Variants in GNA14 observed in about 807,000 individuals in gnomAD.
GNA14 encodes guanine nucleotide-binding protein subunit alpha-14.
A neutral mutation model predicts 42.0 loss-of-function variants in GNA14; 50 were observed. That is an observed-to-expected ratio of 1.19 (90% CI 0.95 to 1.51). The LOEUF is 1.51. Ranked by LOEUF, GNA14 falls within the 40% of genes most tolerant of loss-of-function variation. GNA14 has a pLI of 0.00. For synonymous variants in GNA14, 173 were observed against 163.1 expected (o/e 1.06, Z -0.46); for missense variants, 473 against 446.2 (o/e 1.06, Z -0.54).
chr9:77,557,258 T>C (rs1339070672), intron 1 of GNA14, among the ~76,000 whole-genome samples: 1 of 151,634 alleles, frequency 6.6e-6, no homozygotes, highest in Admixed American at 6.6e-5. Flanking sequence ...GAGAGGAAAA[T>C]GGAAAGAAAA....
intron 2 of GNA14, among the ~76,000 whole-genome samples, chr9:77,440,125 A>G (rs1835707813): frequency 6.6e-6 from 1 of 152,280 alleles, no homozygotes; most frequent in Non-Finnish European, 1.5e-5. Flanking sequence ...AAGTGAGCTC[A>G]TATCTGGCTT....
chr9:77,604,706 T>C (rs139457573), intron 1 of GNA14, among the ~76,000 whole-genome samples: 25 of 152,352 alleles, frequency 1.6e-4, no homozygotes, highest in African/African-American at 5.5e-4. Context: ...GGCTCCACCA[T>C]TGGCTCAATG....
At chr9:77,464,377 G>GTGTGTGTGTGTGTGTGTGTGTA (rs1836181781) in intron 2 of GNA14, among the ~76,000 whole-genome samples, 93 of 150,526 alleles carry the variant, frequency 6.2e-4, no homozygotes, top group African/African-American at 2.2e-3. Flanking sequence ...GTGTGTGTGT[G>GTGTGTGTGTGTGTGTGTGTGTA]TGTGTGTGTG....
chr9:77,524,618 T>C (rs1837405237), intron 2 of GNA14, among the ~76,000 whole-genome samples: 1 of 152,242 alleles, frequency 6.6e-6, no homozygotes, highest in African/African-American at 2.4e-5. Flanking sequence ...GCATGCCTCC[T>C]AAACCATCAC....
chr9:77,545,036 G>C (rs1403832557), intron 1 of GNA14, among the ~76,000 whole-genome samples: 4 of 151,858 alleles, frequency 2.6e-5, no homozygotes, highest in Non-Finnish European at 4.4e-5. Context: ...TGTTGAAAAA[G>C]AAAGGGTAAA....
chr9:77,443,786 C>CA (rs1305209747), intron 2 of GNA14, among the ~76,000 whole-genome samples: 2 of 151,746 alleles, frequency 1.3e-5, no homozygotes, highest in Non-Finnish European at 2.9e-5. Flanking sequence ...CCAGCGTAGG[C>CA]AAAAAAACAA....
chr9:77,438,884 G>C (rs1344727246), intron 2 of GNA14, among the ~76,000 whole-genome samples: 2 of 152,196 alleles, frequency 1.3e-5, no homozygotes, highest in African/African-American at 4.8e-5. Flanking sequence ...CATAATCACA[G>C]TATAATGATC....
chr9:77,605,956 T>C (rs1823639465), intron 1 of GNA14, among the ~76,000 whole-genome samples: 1 of 152,210 alleles, frequency 6.6e-6, no homozygotes, highest in Non-Finnish European at 1.5e-5. Context: ...CAGAGGGTAA[T>C]TCCTGATAAG....
rs146057247 is a variant in GNA14, at chr9:77,481,319, T to A, written c.310-46797A>T. ...ATTTTGTTATGTATCCAGTAGTCAC[T>A]CAGGAGCAGGTTGTTCAGTTTCCTT... is the stretch of plus-strand genomic sequence containing the variant. On this transcript the variant is annotated intron_variant, in intron 2 of 6. Coordinates refer to ENST00000341700, the MANE Select transcript of GNA14 (RefSeq NM_004297.4). Among the ~76,000 whole-genome samples, 3 of 152,374 alleles carry A rather than the reference T, an allele frequency of 2.0e-5. No homozygotes were observed. The East Asian group carries it at 5.8e-4, about 29-fold the overall frequency.
At position 77,424,148 on chromosome 9, in the gene GNA14, G is replaced by C. The variant is rs1451142317; in HGVS notation, c.899C>G (p.Ala300Gly). Residue 300 changes from alanine to glycine, a missense_variant, in exon 7 of 7, where the codon GCT becomes GGT. Ala to Gly is a moderately conservative substitution (Grantham distance 60). Coordinates refer to ENST00000341700, the MANE Select transcript of GNA14 (RefSeq NM_004297.4). ...AAGCTTCAGGATAAAGTCTCTGGCAGCTCTGACATCCTGTTTCGGTCCTAG... is the reference window on the plus strand; with the variant it reads ...AAGCTTCAGGATAAAGTCTCTGGCACCTCTGACATCCTGTTTCGGTCCTAG... ...EYTGPKQDVR[A>G]ARDFILKLYQ... The C allele has an allele frequency of 1.2e-6, 2 of 1,610,036 alleles. No homozygotes were observed. Among genetic ancestry groups the C allele is most frequent in the South Asian group, 2.2e-5 (2 of 90,102 alleles).
chr9:77,576,960 T>G (rs1040409979), intron 1 of GNA14, among the ~76,000 whole-genome samples: 2 of 152,264 alleles, frequency 1.3e-5, no homozygotes, highest in Admixed American at 6.5e-5. Context: ...GCTCAGAAAT[T>G]TATGCCTCTT....
At chr9:77,521,418 T>C (rs1315155019) in intron 2 of GNA14, among the ~76,000 whole-genome samples, 1 of 152,142 alleles carries the variant, frequency 6.6e-6, no homozygotes, top group African/African-American at 2.4e-5. Context: ...TTTTAAAAAG[T>C]AGAACATAAG....
rs568655045 is a variant in GNA14, at chr9:77,546,671, G to C, written c.125-17418C>G. Among the ~76,000 whole-genome samples, 10 of 152,242 alleles carry C rather than the reference G, an allele frequency of 6.6e-5. No individual in the cohort carries two copies. The South Asian group carries it at 2.1e-3, about 32-fold the overall frequency. ...GACTAAGACCAAAACATTTGGGTGA[G>C]AATTTTTCAATGTATCTCTTACTGG... On this transcript the variant is annotated intron_variant, in intron 1 of 6. Coordinates refer to ENST00000341700, the MANE Select transcript of GNA14 (RefSeq NM_004297.4).
intron 1 of GNA14, among the ~76,000 whole-genome samples, chr9:77,563,163 C>T (rs1224459804): frequency 1.3e-5 from 2 of 152,138 alleles, no homozygotes; most frequent in Non-Finnish European, 2.9e-5. Flanking sequence ...GGAGCTAAAA[C>T]CAAATGAGAA....
chr9:77,499,970 C>T (rs1299062672), intron 2 of GNA14, among the ~76,000 whole-genome samples: 1 of 151,918 alleles, frequency 6.6e-6, no homozygotes, highest in Non-Finnish European at 1.5e-5. Context: ...TTTAACCTTC[C>T]CCTGTTAAAT....
intron 2 of GNA14, among the ~76,000 whole-genome samples, chr9:77,455,006 C>A (rs1168576414): frequency 6.6e-6 from 1 of 152,180 alleles, no homozygotes; most frequent in Non-Finnish European, 1.5e-5. Context: ...TGAAACAATA[C>A]CTTTTGATGA....
intron 2 of GNA14, among the ~76,000 whole-genome samples, chr9:77,451,409 CTAA>C (rs1554688093): frequency 2.0e-5 from 3 of 152,146 alleles, no homozygotes; most frequent in Non-Finnish European, 4.4e-5. Context: ...TTAGAGTGCT[CTAA>C]AGCAATCATT....
intron 1 of GNA14, among the ~76,000 whole-genome samples, chr9:77,638,088 A>C (rs1824210194): frequency 6.6e-6 from 1 of 152,208 alleles, no homozygotes; most frequent in African/African-American, 2.4e-5. Context: ...TATTCATGGA[A>C]GAATATTTCA....
intron 2 of GNA14, among the ~76,000 whole-genome samples, chr9:77,524,966 G>A (rs570791446): frequency 1.5e-3 from 232 of 152,078 alleles, no homozygotes; most frequent in Non-Finnish European, 2.6e-3. Context: ...GAGATGGTAC[G>A]GCTTCCCCAG....
Sources: allele counts gnomAD v4.1 joint callset (sites outside exome capture counted in the v4.1 genomes callset), GRCh38; gene constraint gnomAD v4.1.1; transcripts MANE v1.5; gene names NCBI Gene and HGNC (gene_info 2026-07-23, HGNC 2026-07-21).